The following RBFOX1 variants were observed in gnomAD, a reference collection of about 807,000 sequenced individuals.
The protein encoded by RBFOX1 is RNA binding protein fox-1 homolog 1.
A neutral mutation model predicts 57.7 loss-of-function variants in RBFOX1; 8 were observed. The ratio of observed to expected loss-of-function variants is 0.14; its 90% confidence interval spans 0.08 to 0.25. RBFOX1 has a LOEUF of 0.25. Among genes scored for constraint, RBFOX1 ranks in the 10% least tolerant of loss-of-function variants. The pLI is 1.00. For missense variants in RBFOX1, 611 were observed against 548.5 expected (o/e 1.11, Z -1.14); for synonymous variants, 326 against 222.4 (o/e 1.47, Z -4.15).
chr16:5,372,675 T>G (rs1309705266), intron 1 of RBFOX1, among the ~76,000 whole-genome samples: 1 of 152,166 alleles, frequency 6.6e-6, no homozygotes, highest in South Asian at 2.1e-4. Context: ...GAATCGGCTT[T>G]GCAAGGAGCT....
intron 1 of RBFOX1, among the ~76,000 whole-genome samples, chr16:6,139,970 G>T (rs758815255): frequency 1.2e-4 from 19 of 152,154 alleles, no homozygotes; most frequent in Admixed American, 1.2e-3. Flanking sequence ...GGAAGGAACT[G>T]CTCCTCTCAA....
chr16:7,128,438 G>A (rs922771644), intron 4 of RBFOX1, among the ~76,000 whole-genome samples: 2 of 152,162 alleles, frequency 1.3e-5, no homozygotes, highest in Non-Finnish European at 2.9e-5. Context: ...CAAACCAAGA[G>A]AGCCTGAATC....
intron 2 of RBFOX1, among the ~76,000 whole-genome samples, chr16:6,454,688 A>G (rs2094716496): frequency 6.6e-6 from 1 of 152,000 alleles, no homozygotes. Context: ...TCTGCCTGGG[A>G]GGTGTTGATA....
chr16:5,270,504 G>A lies in RBFOX1; in HGVS notation c.219+30399G>A, dbSNP rs2062977807. The A allele has an allele frequency of 1.8e-5, 12 of 671,502 alleles. No individual in the cohort carries two copies. In the Middle Eastern group the frequency reaches 2.1e-3, roughly 119 times the overall value. 41.6% of individuals were successfully genotyped at this position (671,502 alleles called of 1,614,324 possible). ...ATGGGTCTTACCTGTGACAAAATAT[G>A]TTCCATGGTTGAAAAATGTTCAACA... On this transcript the variant is annotated intron_variant, in intron 1 of 2. Transcript: ENST00000585867.
At chr16:7,514,507 G>T (rs753064633) in intron 4 of RBFOX1, among the ~76,000 whole-genome samples, 1 of 152,168 alleles carries the variant, frequency 6.6e-6, no homozygotes, top group Admixed American at 6.5e-5. Flanking sequence ...TCAGGCTGTG[G>T]CAGTGCTTGG....
At chr16:6,460,432 G>A (rs984659871) in intron 2 of RBFOX1, among the ~76,000 whole-genome samples, 1 of 151,392 alleles carries the variant, frequency 6.6e-6, no homozygotes, top group African/African-American at 2.4e-5. Context: ...AGAAAAGTGG[G>A]CAAAGGCTAT....
chr16:5,435,466 A>AG (rs1283946272), intron 1 of RBFOX1, among the ~76,000 whole-genome samples: 1 of 152,150 alleles, frequency 6.6e-6, no homozygotes, highest in East Asian at 1.9e-4. Context: ...GCTATCCTGA[A>AG]GGGAAAAAAC....
At chr16:7,201,180 G>A (rs538635321) in intron 4 of RBFOX1, among the ~76,000 whole-genome samples, 1 of 152,176 alleles carries the variant, frequency 6.6e-6, no homozygotes, top group African/African-American at 2.4e-5. Context: ...ACCTCTCTGA[G>A]GTTAAAACAA....
rs576065831 is a variant in RBFOX1 at position 5,920,381 on chromosome 16, C to T, written c.351+53046C>T. Among the ~76,000 whole-genome samples the T allele has an allele frequency of 3.9e-5, 6 of 152,242 alleles. No individual in the cohort carries two copies. The South Asian group carries it at 1.2e-3, about 32-fold the overall frequency. On this transcript the variant is annotated intron_variant, in intron 4 of 19. Coordinates refer to the RBFOX1 transcript ENST00000641259. ...TGGCTATACATTTGGGCTGTTCCTA[C>T]CTTTGGATTGTTTAGAGCTGCTCTT...
At position 6,540,925 on chromosome 16, in the gene RBFOX1, G is replaced by C. The variant is rs529895379; in HGVS notation, c.-63-113678G>C. 3.9e-5 allele frequency among the ~76,000 whole-genome samples: 6 copies of C among 152,208 alleles called. No individual in the cohort carries two copies. The South Asian group carries it at 8.3e-4, about 21-fold the overall frequency. On this transcript the variant is annotated intron_variant, in intron 2 of 15. Coordinates refer to ENST00000550418, the MANE Select transcript of RBFOX1 (RefSeq NM_018723.4). ...GTTTCTCTGACTTCTTGGAGTTGAG[G>C]TCTGGGATTATCTGCTATCAGAGGA...
chr16:5,239,788 G>T (rs577748352), upstream of RBFOX1: 121 of 636,100 alleles, frequency 1.9e-4, no homozygotes, highest in Non-Finnish European at 2.6e-4. Context: ...CGCGCCGCGC[G>T]GACCCACCGA....
At chr16:6,647,199 G>A (rs1383310209) in intron 2 of RBFOX1, among the ~76,000 whole-genome samples, 1 of 152,254 alleles carries the variant, frequency 6.6e-6, no homozygotes, top group African/African-American at 2.4e-5. Flanking sequence ...GAGAAAATGA[G>A]TGAGCTCTCT....
At chr16:5,760,836 G>C (rs973565571) in intron 3 of RBFOX1, among the ~76,000 whole-genome samples, 3 of 152,214 alleles carry the variant, frequency 2.0e-5, no homozygotes, top group Non-Finnish European at 4.4e-5. Flanking sequence ...GTTACTGGGA[G>C]CAGAAAGGAG....
chr16:7,289,502 C>T (rs956285051), intron 4 of RBFOX1, among the ~76,000 whole-genome samples: 7 of 152,094 alleles, frequency 4.6e-5, no homozygotes, highest in East Asian at 1.9e-4. Flanking sequence ...ATCGTTATTA[C>T]AGTCACCTTC....
chr16:6,771,738 G>T (rs1453401975), intron 3 of RBFOX1, among the ~76,000 whole-genome samples: 1 of 152,112 alleles, frequency 6.6e-6, no homozygotes, highest in Non-Finnish European at 1.5e-5. Flanking sequence ...TGGAGGCCAG[G>T]GATGCTGTTT....
intron 3 of RBFOX1, among the ~76,000 whole-genome samples, chr16:6,861,032 A>G (rs982299322): frequency 2.6e-5 from 4 of 152,096 alleles, no homozygotes; most frequent in African/African-American, 9.7e-5. Context: ...ACTGTTAGGG[A>G]GTAGGGGAGC....
chr16:6,719,762 A>G (rs1472000692), intron 3 of RBFOX1, among the ~76,000 whole-genome samples: 1 of 152,026 alleles, frequency 6.6e-6, no homozygotes, highest in Non-Finnish European at 1.5e-5. Context: ...ATGGTTTTTT[A>G]AAGTGCCAAA....
intron 4 of RBFOX1, among the ~76,000 whole-genome samples, chr16:5,994,844 C>G (rs1421710002): frequency 6.6e-6 from 1 of 152,144 alleles, no homozygotes; most frequent in African/African-American, 2.4e-5. Context: ...GGCCAAGTGC[C>G]CAATGAGAAA....
At chr16:6,527,488 G>A (rs1250794837) in intron 2 of RBFOX1, among the ~76,000 whole-genome samples, 1 of 152,086 alleles carries the variant, frequency 6.6e-6, no homozygotes, top group Non-Finnish European at 1.5e-5. Flanking sequence ...TATTCAAGTT[G>A]AATGTATAAT....
Sources: gnomAD v4.1 joint callset for allele counts (sites outside exome capture counted in the v4.1 genomes callset) on GRCh38, gnomAD v4.1.1 for gene constraint, MANE v1.5 for transcripts, NCBI Gene and HGNC (gene_info 2026-07-23, HGNC 2026-07-21) for gene names.